Variants in PPP3CA observed in about 807,000 individuals in gnomAD.
PPP3CA encodes the protein protein phosphatase 3 catalytic subunit alpha.
PPP3CA carries 14 observed loss-of-function variants against 66.5 expected under a neutral mutation model. The ratio of observed to expected loss-of-function variants is 0.21; its 90% CI spans 0.14 to 0.33. PPP3CA has a LOEUF of 0.33. Ranked by LOEUF, PPP3CA falls within the 10% of genes least tolerant of loss-of-function variation. The pLI, the probability that PPP3CA is intolerant of heterozygous loss-of-function variation, is 1.00. For missense variants in PPP3CA, 317 were observed against 639.5 expected, an observed-to-expected ratio of 0.50 and a Z score of 5.44; for synonymous variants, 232 against 226.2, an observed-to-expected ratio of 1.03 and a Z score of -0.23.
chr4:101,253,150 A>T (rs1230700343), intron 1 of PPP3CA, among the ~76,000 whole-genome samples: 1 of 152,214 alleles, frequency 6.6e-6, no homozygotes, highest in Admixed American at 6.5e-5. Context: ...TTGCTCATTA[A>T]AAGTGTTCTT....
intron 1 of PPP3CA, among the ~76,000 whole-genome samples, chr4:101,346,022 G>A (rs1242817500): frequency 6.6e-6 from 1 of 152,144 alleles, no homozygotes; most frequent in Non-Finnish European, 1.5e-5. Flanking sequence ...GGGAAATCCC[G>A]GGGCGGCAAC....
chr4:101,147,026 G>A (rs889302247), intron 2 of PPP3CA, among the ~76,000 whole-genome samples: 1 of 152,086 alleles, frequency 6.6e-6, no homozygotes, highest in Non-Finnish European at 1.5e-5. Flanking sequence ...GATAGGTACT[G>A]TTTTTATCCT....
intron 12 of PPP3CA, among the ~76,000 whole-genome samples, chr4:101,029,961 T>C (rs747582359): frequency 7.7e-4 from 117 of 152,108 alleles, no homozygotes; most frequent in Non-Finnish European, 2.4e-4. Flanking sequence ...ATGTTACAAA[T>C]CAAGTGGTAA....
intron 1 of PPP3CA, among the ~76,000 whole-genome samples, chr4:101,211,359 T>C (rs537932146): frequency 3.9e-5 from 6 of 152,188 alleles, no homozygotes; most frequent in Non-Finnish European, 4.4e-5. Flanking sequence ...CCCAGAGTGA[T>C]GGACATAGAA....
intron 1 of PPP3CA, among the ~76,000 whole-genome samples, chr4:101,282,469 C>G (rs1225563461): frequency 6.6e-6 from 1 of 152,138 alleles, no homozygotes; most frequent in African/African-American, 2.4e-5. Flanking sequence ...CTGGCCTGTT[C>G]TAAATGACAG....
chr4:101,339,668 T>C (rs1729747017), intron 1 of PPP3CA, among the ~76,000 whole-genome samples: 1 of 152,206 alleles, frequency 6.6e-6, no homozygotes, highest in Admixed American at 6.5e-5. Flanking sequence ...AGGAGGCACA[T>C]GAGAATTTTA....
At chr4:101,237,625 C>T (rs1299980492) in intron 1 of PPP3CA, among the ~76,000 whole-genome samples, 1 of 152,042 alleles carries the variant, frequency 6.6e-6, no homozygotes, top group Admixed American at 6.6e-5. Flanking sequence ...CACAAGCTTG[C>T]TTTAATTCGT....
chr4:101,240,829 C>G (rs778267793), intron 1 of PPP3CA: 7 of 152,116 alleles, frequency 4.6e-5, no homozygotes, highest in Non-Finnish European at 1.0e-4. Flanking sequence ...CACATTGTAA[C>G]ATGCAGAGGC....
chr4:101,281,390 T>C (rs534208634), intron 1 of PPP3CA, among the ~76,000 whole-genome samples: 3 of 152,238 alleles, frequency 2.0e-5, no homozygotes, highest in East Asian at 1.9e-4. Flanking sequence ...CAACAAAGAA[T>C]AGAAAATGCT....
At chr4:101,060,196 T>C (rs1299115162) in intron 10 of PPP3CA, among the ~76,000 whole-genome samples, 1 of 151,986 alleles carries the variant, frequency 6.6e-6, no homozygotes, top group South Asian at 2.1e-4. Context: ...CAAGATTTCC[T>C]CCCACTTTAG....
At chr4:101,124,521 A>G (rs958739543) in intron 2 of PPP3CA, among the ~76,000 whole-genome samples, 5 of 151,852 alleles carry the variant, frequency 3.3e-5, no homozygotes, top group Non-Finnish European at 7.4e-5. Context: ...CTGAGGCAGA[A>G]TTGCTTGAGC....
intron 1 of PPP3CA, among the ~76,000 whole-genome samples, chr4:101,308,831 T>A (rs1396847285): frequency 1.3e-5 from 2 of 152,192 alleles, no homozygotes; most frequent in Non-Finnish European, 2.9e-5. Context: ...AAATTTTATA[T>A]ACATAAGATT....
At chr4:101,059,842 A>G (rs754256840) in intron 10 of PPP3CA, among the ~76,000 whole-genome samples, 9 of 152,222 alleles carry the variant, frequency 5.9e-5, no homozygotes, top group Admixed American at 1.3e-4. Flanking sequence ...TTTTTAATGC[A>G]TCTTGTAGCC....
chr4:101,205,569 G>GA (rs112502297), intron 1 of PPP3CA, among the ~76,000 whole-genome samples: 36,189 of 149,904 alleles, frequency 0.24, 6,705 homozygotes, highest in African/African-American at 0.51. Flanking sequence ...AAGTTGATAG[G>GA]AAAAAAAAAA....
At chr4:101,297,710 G>A (rs573541186) in intron 1 of PPP3CA, among the ~76,000 whole-genome samples, 6 of 152,188 alleles carry the variant, frequency 3.9e-5, no homozygotes, top group Non-Finnish European at 7.4e-5. Flanking sequence ...ACTTCCTTAT[G>A]CAGGAATATT....
intron 1 of PPP3CA, among the ~76,000 whole-genome samples, chr4:101,200,241 G>A (rs775966755): frequency 6.6e-6 from 1 of 152,144 alleles, no homozygotes; most frequent in Admixed American, 6.6e-5. Flanking sequence ...AAGATGGTCC[G>A]TGAAAATACT....
rs181730865 is a variant in PPP3CA at position 101,290,798 on chromosome 4, G to A, written c.58+55941C>T. Among the ~76,000 whole-genome samples, 918 of 152,302 alleles carry A rather than the reference G, an allele frequency of 6.0e-3. 6 individuals are homozygous for A. Among genetic ancestry groups the A allele is most frequent in the Non-Finnish European group, 9.4e-3 (637 of 68,026 alleles). The stretch of plus-strand genomic sequence containing the variant: ...AACATCATCTCCAGCACCAACAACA[G>A]GGCTTGGAGGCAATCAATGAATACC... On this transcript the variant is annotated intron_variant, in intron 1 of 13. Coordinates refer to ENST00000394854, the MANE Select transcript of PPP3CA (RefSeq NM_000944.5).
chr4:101,204,542 A>C (rs950698447), intron 1 of PPP3CA, among the ~76,000 whole-genome samples: 2 of 151,230 alleles, frequency 1.3e-5, no homozygotes, highest in African/African-American at 4.9e-5. Context: ...AGGCTGAGGC[A>C]GGAGAATGGC....
At chr4:101,260,465 C>G (rs1291622566) in intron 1 of PPP3CA, among the ~76,000 whole-genome samples, 1 of 152,094 alleles carries the variant, frequency 6.6e-6, no homozygotes, top group Non-Finnish European at 1.5e-5. Context: ...CCCAGAAAAT[C>G]TTTTACTTCC....
Sources: allele counts gnomAD v4.1 joint callset (sites outside exome capture counted in the v4.1 genomes callset), GRCh38; gene constraint gnomAD v4.1.1; transcripts MANE v1.5; gene names NCBI Gene and HGNC (gene_info 2026-07-23, HGNC 2026-07-21).